The following SLC5A4 variants were observed in gnomAD, a reference collection of about 807,000 sequenced individuals.
The protein encoded by SLC5A4 is solute carrier family 5 member 4, also known as probable glucose sensor protein SLC5A4.
In SLC5A4, 55 loss-of-function variants were observed where a neutral mutation model predicts 70.3. That is an observed-to-expected ratio of 0.78 (90% CI 0.63 to 0.98). The LOEUF (loss-of-function observed/expected upper bound fraction) is 0.98. SLC5A4 is among the 50% of genes least tolerant of loss of function. The pLI, the probability that SLC5A4 is intolerant of heterozygous loss-of-function variation, is 0.00. For missense variants in SLC5A4, 735 were observed against 839.2 expected, an observed-to-expected ratio of 0.88 and a Z score of 1.53; for synonymous variants, 268 against 305.7, an observed-to-expected ratio of 0.88 and a Z score of 1.29.
chr22:32,252,102 C>T (rs2057844152), intron 2 of SLC5A4, among the ~76,000 whole-genome samples: 1 of 151,970 alleles, frequency 6.6e-6, no homozygotes, highest in South Asian at 2.1e-4. Flanking sequence ...TGGTGGTGGG[C>T]GCCTGTAGTC....
At chr22:32,312,355 ACGCGCG>A in the SLC5A4 span, among the ~76,000 whole-genome samples, 15 of 134,816 alleles carry the variant, frequency 1.1e-4, no homozygotes, top group African/African-American at 2.7e-4. Context: ...CCCAAATCAC[ACGCGCG>A]CGCGCACACA....
chr22:32,262,886 C>T, the SLC5A4 span, among the ~76,000 whole-genome samples: 2 of 151,882 alleles, frequency 1.3e-5, no homozygotes, highest in Non-Finnish European at 2.9e-5. Flanking sequence ...TCTCCTGCCT[C>T]AGCCTCGCGA....
the SLC5A4 span, among the ~76,000 whole-genome samples, chr22:32,292,232 T>TTA: frequency 6.5e-5 from 5 of 77,050 alleles, no homozygotes; most frequent in Non-Finnish European, 1.2e-4. Context: ...ATTCTATATA[T>TTA]TATATATATA....
chr22:32,253,315 A>C (rs1927282062), intron 2 of SLC5A4, among the ~76,000 whole-genome samples: 1 of 152,202 alleles, frequency 6.6e-6, no homozygotes, highest in Non-Finnish European at 1.5e-5. Flanking sequence ...TCAAAACCCC[A>C]CAAGAACACC....
chr22:32,226,357 G>A (rs903794052), intron 11 of SLC5A4, among the ~76,000 whole-genome samples: 12 of 152,326 alleles, frequency 7.9e-5, no homozygotes, highest in African/African-American at 2.2e-4. Flanking sequence ...AAAGGCTCCT[G>A]TTGTCCAGGG....
chr22:32,227,924 G>A (rs1463706952), intron 11 of SLC5A4, among the ~76,000 whole-genome samples: 1 of 152,010 alleles, frequency 6.6e-6, no homozygotes, highest in East Asian at 1.9e-4. Flanking sequence ...CCAAGATCGA[G>A]CCACTGCACT....
the SLC5A4 span, among the ~76,000 whole-genome samples, chr22:32,316,557 T>A: frequency 6.6e-6 from 1 of 151,830 alleles, no homozygotes; most frequent in East Asian, 1.9e-4. Context: ...AAAGACAGAG[T>A]CTCACTCTGT....
chr22:32,264,945 T>C, the SLC5A4 span, among the ~76,000 whole-genome samples: 2 of 152,230 alleles, frequency 1.3e-5, no homozygotes, highest in South Asian at 2.1e-4. Flanking sequence ...CATCTCAAGT[T>C]TGGAAATGTT....
In SLC5A4 at chr22:32,237,253, T is replaced by C; in HGVS notation, c.655A>G (p.Met219Val). ...IIMLIGSFIL[M>V]GFAFNEVGGY... is the part of the protein sequence containing the mutation. ...CAGGGTCATCACTTACCAAACCCCATGAGAATAAAAGAGCCAATCAGCATG... is the reference window on the plus strand; with the variant it reads ...CAGGGTCATCACTTACCAAACCCCACGAGAATAAAAGAGCCAATCAGCATG... The change falls in exon 7 of 15, where the codon ATG becomes GTG. Residue 219 changes from methionine (M) to valine (V), a missense_variant. Met to Val is a conservative substitution (Grantham distance 21). Coordinates refer to ENST00000266086, the MANE Select transcript of SLC5A4 (RefSeq NM_014227.3). 7 of 1,604,462 alleles carry C rather than the reference T, an allele frequency of 4.4e-6. No homozygotes were observed. The highest frequency in any genetic ancestry group is 6.0e-6 in the Non-Finnish European group (7 of 1,173,284).
At chr22:32,300,363 G>A in the SLC5A4 span, among the ~76,000 whole-genome samples, 1 of 151,986 alleles carries the variant, frequency 6.6e-6, no homozygotes, top group Admixed American at 6.6e-5. Context: ...ATCTCGTGGT[G>A]CACCGTTTTT....
At chr22:32,302,981 T>G in the SLC5A4 span, among the ~76,000 whole-genome samples, 1 of 152,378 alleles carries the variant, frequency 6.6e-6, no homozygotes, top group South Asian at 2.1e-4. Context: ...TTTATTTAGA[T>G]TTCCTTCAGC....
chr22:32,352,663 C>T, the SLC5A4 span, among the ~76,000 whole-genome samples: 3,024 of 152,242 alleles, frequency 0.02, 79 homozygotes, highest in African/African-American at 0.06. Context: ...TGCCCCCCAA[C>T]GCTCCGACCT....
At chr22:32,308,397 G>A in the SLC5A4 span, among the ~76,000 whole-genome samples, 4 of 152,210 alleles carry the variant, frequency 2.6e-5, no homozygotes, top group Admixed American at 6.5e-5. Context: ...AGCGGCTAGA[G>A]GGATGTAAAG....
In SLC5A4 at chr22:32,248,726, T is replaced by G. The variant is rs750742760; in HGVS notation, c.372+17A>C. The G allele has an allele frequency of 3.8e-6, 6 of 1,580,116 alleles. No individual in the cohort carries two copies. The East Asian group carries it at 1.3e-4, about 35-fold the overall frequency. On this transcript the variant is annotated intron_variant, in intron 4 of 14. Coordinates refer to ENST00000266086, the MANE Select transcript of SLC5A4 (RefSeq NM_014227.3). ...TGCCTAGAACTGAACTCTGGCATTT[T>G]GGTAACAGATACTCACCCCCGACTT...
At chr22:32,262,699 G>A in the SLC5A4 span, among the ~76,000 whole-genome samples, 7 of 152,026 alleles carry the variant, frequency 4.6e-5, no homozygotes, top group South Asian at 1.5e-3. Context: ...ACATCCAAGT[G>A]CAAAAAAGAA....
the SLC5A4 span, chr22:32,327,403 T>C: frequency 1.3e-5 from 2 of 152,300 alleles, no homozygotes; most frequent in African/African-American, 2.4e-5. Flanking sequence ...AAAGCCCTGG[T>C]GGACCCATGG....
the SLC5A4 span, among the ~76,000 whole-genome samples, chr22:32,339,731 C>T: frequency 5.9e-5 from 9 of 152,162 alleles, no homozygotes; most frequent in Non-Finnish European, 1.2e-4. Flanking sequence ...CAAAACCAAC[C>T]ATGCACCCCA....
At chr22:32,306,484 C>A in the SLC5A4 span, among the ~76,000 whole-genome samples, 30 of 150,492 alleles carry the variant, frequency 2.0e-4, no homozygotes, top group East Asian at 4.9e-3. Flanking sequence ...AAAACAAAAA[C>A]TACTGTATAT....
chr22:32,237,028 A>G (rs897448242), intron 7 of SLC5A4, among the ~76,000 whole-genome samples: 1 of 152,098 alleles, frequency 6.6e-6, no homozygotes, highest in African/African-American at 2.4e-5. Context: ...TTTAAAAGAA[A>G]GTGATGTTCT....
Sources: allele counts gnomAD v4.1 joint callset (sites outside exome capture counted in the v4.1 genomes callset), GRCh38; gene constraint gnomAD v4.1.1; transcripts MANE v1.5; gene names NCBI Gene and HGNC (gene_info 2026-07-23, HGNC 2026-07-21).